The following EPHB1 variants were observed in gnomAD, a reference collection of about 807,000 sequenced individuals.
The protein encoded by EPHB1 is EPH receptor B1.
In EPHB1, 30 loss-of-function variants were observed where a neutral mutation model predicts 94.4. That is an observed-to-expected ratio of 0.32 (90% CI 0.24 to 0.43). The LOEUF (loss-of-function observed/expected upper bound fraction) is 0.43, where lower values mean the gene tolerates loss of function less well. EPHB1 is among the 20% of genes least tolerant of loss of function. The pLI, the probability that EPHB1 is intolerant of heterozygous loss-of-function variation, is 1.00. For synonymous variants in EPHB1, 522 were observed against 489.1 expected, an observed-to-expected ratio of 1.07 and a Z score of -0.89; for missense variants, 1,055 against 1,308.3, an observed-to-expected ratio of 0.81 and a Z score of 2.99.
At chr3:134,932,451 T>C (rs560286628) in intron 2 of EPHB1, among the ~76,000 whole-genome samples, 1 of 152,240 alleles carries the variant, frequency 6.6e-6, no homozygotes, top group South Asian at 2.1e-4. Context: ...ACAAAATCAA[T>C]TACGATTTAT....
At chr3:134,849,276 TG>T (rs2036933280) in intron 1 of EPHB1, among the ~76,000 whole-genome samples, 1 of 152,218 alleles carries the variant, frequency 6.6e-6, no homozygotes, top group Admixed American at 6.5e-5. Context: ...AACAGCATTC[TG>T]AACAAGTTCC....
At chr3:134,973,467 C>T (rs1055291408) in intron 3 of EPHB1, among the ~76,000 whole-genome samples, 2 of 137,908 alleles carry the variant, frequency 1.5e-5, no homozygotes, top group South Asian at 2.4e-4. Flanking sequence ...GTCTCACTCC[C>T]GTTGCTCAGG....
chr3:135,050,509 TTTTGA>T (rs1302538924), intron 3 of EPHB1, among the ~76,000 whole-genome samples: 1 of 152,206 alleles, frequency 6.6e-6, no homozygotes, highest in Non-Finnish European at 1.5e-5. Context: ...GGTGAGTGGC[TTTTGA>T]TTACCAGGGC....
chr3:135,059,107 T>C (rs777655575), intron 3 of EPHB1, among the ~76,000 whole-genome samples: 1 of 152,254 alleles, frequency 6.6e-6, no homozygotes, highest in Non-Finnish European at 1.5e-5. Context: ...ATGTACAGCA[T>C]ATCAAGTTGA....
chr3:134,843,262 A>G, intron 1 of EPHB1, among the ~76,000 whole-genome samples: 1 of 152,174 alleles, frequency 6.6e-6, no homozygotes, highest in East Asian at 1.9e-4. Context: ...CATATTAATC[A>G]CATTGATGTT....
chr3:135,235,203 T>C (rs1021921202), intron 12 of EPHB1, among the ~76,000 whole-genome samples: 7 of 152,244 alleles, frequency 4.6e-5, no homozygotes, highest in Non-Finnish European at 1.0e-4. Context: ...AAACCTCTTG[T>C]TGAGCCCAGT....
chr3:135,067,904 T>C (rs781183950), intron 3 of EPHB1: 7 of 152,194 alleles, frequency 4.6e-5, no homozygotes, highest in Non-Finnish European at 1.0e-4. Flanking sequence ...CTCTCTAAAT[T>C]GACTCAGCTC....
intron 1 of EPHB1, among the ~76,000 whole-genome samples, chr3:134,882,658 CTCCT>C (rs146478163): frequency 0.075 from 11,117 of 148,396 alleles, 573 homozygotes; most frequent in South Asian, 0.13. Context: ...CAATCTTTCT[CTCCT>C]TCCTTCCTTC....
chr3:135,205,064 G>T (rs1942865687), intron 12 of EPHB1, among the ~76,000 whole-genome samples: 1 of 151,278 alleles, frequency 6.6e-6, no homozygotes, highest in Non-Finnish European at 1.5e-5. Flanking sequence ...TCTGTACCTG[G>T]CTTATTTCAC....
intron 3 of EPHB1, among the ~76,000 whole-genome samples, chr3:135,006,944 G>C (rs1026527724): frequency 1.3e-5 from 2 of 152,090 alleles, no homozygotes; most frequent in African/African-American, 4.8e-5. Context: ...TGGTACCCTT[G>C]TAGATTTAAC....
At chr3:135,247,095 T>TTAAC (rs1411141960) in intron 13 of EPHB1, among the ~76,000 whole-genome samples, 1 of 152,188 alleles carries the variant, frequency 6.6e-6, no homozygotes, top group Non-Finnish European at 1.5e-5. Context: ...TTAAAATGCT[T>TTAAC]TAACTGTTTA....
chr3:135,060,755 C>A (rs184933145), intron 3 of EPHB1, among the ~76,000 whole-genome samples: 1 of 152,206 alleles, frequency 6.6e-6, no homozygotes, highest in East Asian at 1.9e-4. Context: ...GGTATCCATT[C>A]CCTCAAGCAT....
At chr3:135,222,052 A>G (rs1265062210) in intron 12 of EPHB1, among the ~76,000 whole-genome samples, 1 of 152,242 alleles carries the variant, frequency 6.6e-6, no homozygotes. Context: ...TGCAAAGAGC[A>G]CAAGCTTGGA....
rs775057041 is a variant in EPHB1, at chr3:135,210,958, G to A, written c.2346+9269G>A. Among the ~76,000 whole-genome samples, 9 of 152,310 alleles carry A rather than the reference G, an allele frequency of 5.9e-5. No individual in the cohort carries two copies. The East Asian group carries it at 7.7e-4, about 13-fold the overall frequency. ...TGGCCCTTGGATGAGGCACAGAGAC[G>A]CGGTGGTATTGCATCCCTCTCCACC... On this transcript the variant is annotated intron_variant, in intron 12 of 15. Transcript: ENST00000398015.
chr3:135,130,056 CTA>C (rs1353656130), intron 4 of EPHB1, among the ~76,000 whole-genome samples: 1 of 152,160 alleles, frequency 6.6e-6, no homozygotes, highest in East Asian at 1.9e-4. Flanking sequence ...CAGAAGAACG[CTA>C]TGACTCCATG....
intron 1 of EPHB1, among the ~76,000 whole-genome samples, chr3:134,870,563 T>C (rs989059202): frequency 6.6e-6 from 1 of 152,252 alleles, no homozygotes; most frequent in Non-Finnish European, 1.5e-5. Flanking sequence ...TGAATCGTGC[T>C]GGACCGTGGA....
At chr3:135,053,025 G>GTATATATATATATATATA (rs1389207071) in intron 3 of EPHB1, among the ~76,000 whole-genome samples, 56 of 90,616 alleles carry the variant, frequency 6.2e-4, no homozygotes, top group African/African-American at 7.2e-4. Flanking sequence ...GTGTGTGTGT[G>GTATATATATATATATATA]TGTATATATA....
intron 3 of EPHB1, among the ~76,000 whole-genome samples, chr3:135,006,570 C>A (rs1935424377): frequency 6.6e-6 from 1 of 152,228 alleles, no homozygotes; most frequent in Non-Finnish European, 1.5e-5. Flanking sequence ...TAGCATATAC[C>A]TGTAATCCTA....
intron 12 of EPHB1, among the ~76,000 whole-genome samples, chr3:135,230,973 T>C (rs1016267214): frequency 1.1e-4 from 16 of 152,210 alleles, no homozygotes; most frequent in Non-Finnish European, 1.9e-4. Flanking sequence ...CCACCATTGA[T>C]GAGCACCTAA....
Sources: allele counts gnomAD v4.1 joint callset (sites outside exome capture counted in the v4.1 genomes callset), GRCh38; gene constraint gnomAD v4.1.1; transcripts MANE v1.5; gene names NCBI Gene and HGNC (gene_info 2026-07-23, HGNC 2026-07-21).